USP4: variants seen among roughly 807,000 people sequenced by gnomAD.
The protein encoded by USP4 is ubiquitin specific peptidase 4, also known as ubiquitin carboxyl-terminal hydrolase 4.
Under a neutral mutation model 118.2 loss-of-function variants are expected in USP4, and 72 were observed. The observed-to-expected ratio is 0.61, with a 90% confidence interval of 0.50 to 0.74. USP4 has a LOEUF of 0.74. Ranked by LOEUF, USP4 falls within the 30% of genes least tolerant of loss-of-function variation. The pLI is 0.00. For missense variants in USP4, 1,037 were observed against 1,185.7 expected, an observed-to-expected ratio of 0.87 and a Z score of 1.84; for synonymous variants, 415 against 440.4, an observed-to-expected ratio of 0.94 and a Z score of 0.72.
chr3:49,337,420 A>T lies in USP4; in HGVS notation c.102-1824T>A, dbSNP rs570674825. Among the ~76,000 whole-genome samples the T allele has an allele frequency of 4.6e-5, 7 of 152,116 alleles. No individual in the cohort carries two copies. The South Asian group carries it at 6.2e-4, about 14-fold the overall frequency. On this transcript the variant is annotated intron_variant, in intron 1 of 21. Transcript: ENST00000265560. ...CTTACCACTTTTTTACTTAAATGTA[A>T]GCAAATGTGGTATTTTATTTACCTA...
At chr3:49,328,826 T>G (rs2047584298) in intron 2 of USP4, among the ~76,000 whole-genome samples, 1 of 151,458 alleles carries the variant, frequency 6.6e-6, no homozygotes, top group African/African-American at 2.4e-5. Context: ...CCCACTGTAC[T>G]CCAGCCTGGG....
chr3:49,325,757 T>A lies in USP4; in HGVS notation c.449A>T (p.Asn150Ile), dbSNP rs754904996. The part of the protein sequence containing the change: ...LKLCENSDPT[N>I]VLSCHFSKAD... ...CTTGCTGAAATGGCAACTCAGCACA[T>A]TGGTGGGGTCACTGTTCTCACAGAG... The change falls in exon 4 of 22, where the codon AAT (asparagine) becomes ATT (isoleucine). Residue 150 changes from asparagine (N) to isoleucine (I), a missense_variant. This residue lies in a region of USP4 where 487 missense variants were observed against 534.1 expected (regional missense o/e 0.91). Transcript: ENST00000265560. The A allele has an allele frequency of 5.0e-6, 8 of 1,613,794 alleles. No individual in the cohort carries two copies. The highest frequency in any genetic ancestry group is 6.8e-6 in the Non-Finnish European group (8 of 1,179,840).
intron 2 of USP4, among the ~76,000 whole-genome samples, chr3:49,330,838 G>A (rs1226621899): frequency 1.3e-5 from 2 of 150,972 alleles, no homozygotes; most frequent in African/African-American, 2.4e-5. Flanking sequence ...GTGAAACCCC[G>A]TCTCTACTAA....
intron 13 of USP4, 59 bp from the exon 14 acceptor site, chr3:49,294,657 C>G: frequency 6.5e-7 from 1 of 1,534,726 alleles, no homozygotes; most frequent in Non-Finnish European, 8.9e-7. Flanking sequence ...CAACAGAGAT[C>G]TGAGCTGAAG....
At chr3:49,332,865 A>C (rs372042730) in intron 2 of USP4, among the ~76,000 whole-genome samples, 1 of 151,990 alleles carries the variant, frequency 6.6e-6, no homozygotes, top group Non-Finnish European at 1.5e-5. Context: ...CCCACAAAAA[A>C]TCTCTGCAAA....
intron 6 of USP4, among the ~76,000 whole-genome samples, chr3:49,315,259 G>C (rs963441452): frequency 3.3e-5 from 5 of 152,108 alleles, no homozygotes; most frequent in African/African-American, 1.2e-4. Flanking sequence ...AAGCCGAGAG[G>C]ATCCCTTGAT....
intron 2 of USP4, among the ~76,000 whole-genome samples, chr3:49,332,919 T>C (rs1260848269): frequency 6.6e-6 from 1 of 150,890 alleles, no homozygotes; most frequent in Non-Finnish European, 1.5e-5. Context: ...GTAGTTCCAG[T>C]TACTCAGGAG....
At chr3:49,331,127 C>A (rs2047613472) in intron 2 of USP4, among the ~76,000 whole-genome samples, 2 of 151,170 alleles carry the variant, frequency 1.3e-5, no homozygotes, top group South Asian at 4.2e-4. Flanking sequence ...TCGAGACCAG[C>A]CTGACCAACA....
intron 2 of USP4, among the ~76,000 whole-genome samples, chr3:49,332,214 T>C (rs1575623055): frequency 6.6e-6 from 1 of 151,518 alleles, no homozygotes; most frequent in Non-Finnish European, 1.5e-5. Context: ...GAGGTGGAGG[T>C]TGCAGTGAGC....
intron 12 of USP4, 107 bp downstream of exon 12, chr3:49,298,445 G>T: frequency 1.0e-6 from 1 of 974,470 alleles, no homozygotes; most frequent in Non-Finnish European, 1.6e-6. Context: ...TCACATTTGT[G>T]CTGGCAATAA....
In USP4 at chr3:49,278,441, G is replaced by A; in HGVS notation, c.2744C>T (p.Ala915Val). ...TCGACGTTGGTAAAATAGCACATAAGCTGCTTTAGTCTGAAATACAAGAGG... is the reference window on the plus strand; with the variant it reads ...TCGACGTTGGTAAAATAGCACATAAACTGCTTTAGTCTGAAATACAAGAGG... Reference protein sequence around the residue: ...ASEDQIVTKAAYVLFYQRRDD... With the variant: ...ASEDQIVTKAVYVLFYQRRDD... The change falls in exon 22 of 22, where the codon GCT becomes GTT. Residue 915 changes from alanine to valine, a missense_variant. Ala to Val is a moderately conservative substitution (Grantham distance 64). This residue lies in a region of USP4 where 522 missense variants were observed against 592.6 expected (regional missense o/e 0.88). Transcript: ENST00000265560. 1 of 1,613,878 alleles carries A rather than the reference G, an allele frequency of 6.2e-7. No homozygotes were observed. The highest frequency in any genetic ancestry group is 8.5e-7 in the Non-Finnish European group (1 of 1,179,926).
intron 15 of USP4, among the ~76,000 whole-genome samples, chr3:49,291,107 T>A (rs2047146689): frequency 6.6e-6 from 1 of 151,912 alleles, no homozygotes; most frequent in Admixed American, 6.6e-5. Flanking sequence ...TAGCTGAGAC[T>A]ACAGGTGCCC....
Position 49,302,578 on chromosome 3 carries a change from C to T in USP4, c.1129-36G>A, listed in dbSNP as rs866176197. ...AGCAACTGTATCAGAAGGCATAATA[C>T]GTAAAGAACTAGTTAAATCAAAAAA... On this transcript the variant is annotated intron_variant, in intron 9 of 21. Coordinates refer to ENST00000265560, the MANE Select transcript of USP4 (RefSeq NM_003363.4). 35 of 1,593,770 alleles carry T rather than the reference C, an allele frequency of 2.2e-5. No homozygotes were observed. In the East Asian group the frequency reaches 6.0e-4, roughly 28 times the overall value.
chr3:49,337,138 C>T (rs758658166), intron 1 of USP4, among the ~76,000 whole-genome samples: 1 of 151,970 alleles, frequency 6.6e-6, no homozygotes, highest in Non-Finnish European at 1.5e-5. Context: ...ATTAGCTGAG[C>T]GTGGTGGCAC....
Position 49,327,735 on chromosome 3 carries a change from A to G in USP4, c.311T>C (p.Leu104Pro), listed in dbSNP as rs1284766823. Residue 104 changes from leucine to proline, a missense_variant, in exon 3 of 22, where the codon CTA becomes CCA. Transcript: ENST00000265560. Reference sequence around the variant, plus strand: ...TTCTACACAGCCGTACCAGTTTAGTAGTTTATTCCACGCCTCGGTAGGGAC... The same window carrying G: ...TTCTACACAGCCGTACCAGTTTAGTGGTTTATTCCACGCCTCGGTAGGGAC... ...VLVPTEAWNK[L>P]LNWYGCVEGQ... 6.2e-7 allele frequency: 1 copy of G among 1,614,134 alleles called. No individual in the cohort carries two copies. Among genetic ancestry groups the G allele is most frequent in the Admixed American group, 1.7e-5 (1 of 60,002 alleles).
Position 49,278,273 on chromosome 3 carries a change from G to A in USP4, c.*20C>T. On this transcript the variant is annotated 3_prime_UTR_variant, in exon 22 of 22. Transcript: ENST00000265560. Reference sequence around the variant, plus strand: ...GGGATTACACTGGCGCTACAGGGTGGCAGGATCGTGGAGTCAGCATTAGTT... The same window carrying A: ...GGGATTACACTGGCGCTACAGGGTGACAGGATCGTGGAGTCAGCATTAGTT... 6.2e-7 allele frequency: 1 copy of A among 1,610,386 alleles called. No individual in the cohort carries two copies. The highest frequency in any genetic ancestry group is 8.5e-7 in the Non-Finnish European group (1 of 1,178,800).
chr3:49,329,217 A>G (rs2047588308), intron 2 of USP4, among the ~76,000 whole-genome samples: 2 of 152,070 alleles, frequency 1.3e-5, no homozygotes, highest in South Asian at 4.2e-4. Context: ...AAATAAAGCA[A>G]TTCAGTCACA....
intron 14 of USP4, chr3:49,293,445 G>C (rs2047171497): frequency 6.5e-6 from 1 of 154,230 alleles, no homozygotes; most frequent in Non-Finnish European, 1.4e-5. Context: ...CTGGGCAACA[G>C]AGTGAAACTC....
chr3:49,326,890 C>T (rs534867791), intron 3 of USP4, among the ~76,000 whole-genome samples: 21 of 151,420 alleles, frequency 1.4e-4, no homozygotes, highest in African/African-American at 4.6e-4. Context: ...TTAGCAGAGA[C>T]GAGGTTTCAC....
Sources: gnomAD v4.1 joint callset for allele counts (sites outside exome capture counted in the v4.1 genomes callset) on GRCh38, gnomAD v4.1.1 for gene constraint, gnomAD v4.1.1 regional missense constraint, MANE v1.5 for transcripts, NCBI Gene and HGNC (gene_info 2026-07-23, HGNC 2026-07-21) for gene names.